The following KPNA3 variants were observed in gnomAD, a reference collection of about 807,000 sequenced individuals.
KPNA3 encodes the protein importin subunit alpha-4.
A neutral mutation model predicts 73.8 loss-of-function variants in KPNA3; 13 were observed. That is an observed-to-expected ratio of 0.18 (90% CI 0.11 to 0.28). The LOEUF (loss-of-function observed/expected upper bound fraction) is 0.28, where lower values mean the gene tolerates loss of function less well. Among genes scored for constraint, KPNA3 ranks in the 10% least tolerant of loss-of-function variants. KPNA3 has a pLI of 1.00. For synonymous variants in KPNA3, 186 were observed against 206.9 expected (o/e 0.90, Z 0.87); for missense variants, 360 against 618.1 (o/e 0.58, Z 4.43).
At position 49,763,546 on chromosome 13, in the gene KPNA3, C is replaced by A. The variant is rs1349525731; in HGVS notation, c.70-16553G>T. ...TAAACCACAGATTCAAGACACCCAA[C>A]AAACTCCAAGTGGGAAAATAAAAAG... On this transcript the variant is annotated intron_variant, in intron 1 of 16. Coordinates refer to ENST00000261667, the MANE Select transcript of KPNA3 (RefSeq NM_002267.4). Among the ~76,000 whole-genome samples, 3 of 152,206 alleles carry A rather than the reference C, an allele frequency of 2.0e-5. No homozygotes were observed. In the East Asian group the frequency reaches 5.8e-4, roughly 29 times the overall value.
chr13:49,722,709 C>A, intron 7 of KPNA3, 146 bp from the exon 8 acceptor site: 3 of 507,586 alleles, frequency 5.9e-6, no homozygotes, highest in Non-Finnish European at 1.0e-5. Context: ...TAAAAAGAAT[C>A]AATTTCAGTA....
intron 1 of KPNA3, among the ~76,000 whole-genome samples, chr13:49,767,214 C>T (rs1006535107): frequency 6.6e-5 from 10 of 151,520 alleles, no homozygotes; most frequent in Non-Finnish European, 1.0e-4. Context: ...GTCAGGAGTT[C>T]GAGACCAGCC....
chr13:49,792,547 G>GGCGGCGGCTACTCCTGCGGCT lies in KPNA3; in HGVS notation c.-42_-41insAGCCGCAGGAGTAGCCGCCGC. 1.8e-5 allele frequency: 22 copies of GGCGGCGGCTACTCCTGCGGCT among 1,226,210 alleles called. No individual in the cohort carries two copies. The highest frequency in any genetic ancestry group is 2.5e-5 in the Non-Finnish European group (22 of 876,674). The allele number at this position is 1,226,210 out of a possible 1,614,324, so 76.0% of individuals were successfully genotyped here. A position where few individuals can be genotyped will look rare whatever the true frequency, so the allele number is the denominator to read the frequency against. ...CGGCGGCGGCTACTCCTGCGGCTGC[G>GGCGGCGGCTACTCCTGCGGCT]GCGGCGGCGGCGGCGAATCTTGGAG... On this transcript the variant is annotated 5_prime_UTR_variant, in exon 1 of 17. Transcript: ENST00000261667.
chr13:49,776,393 T>C (rs537870900), intron 1 of KPNA3, among the ~76,000 whole-genome samples: 7 of 152,312 alleles, frequency 4.6e-5, no homozygotes, highest in African/African-American at 1.2e-4. Flanking sequence ...TTCACATCTA[T>C]TGAAGGATTC....
intron 1 of KPNA3, among the ~76,000 whole-genome samples, chr13:49,748,227 A>G (rs896320300): frequency 6.6e-6 from 1 of 152,208 alleles, no homozygotes; most frequent in Non-Finnish European, 1.5e-5. Flanking sequence ...AATGATTCAT[A>G]TTTTTAAAAA....
chr13:49,747,497 C>A (rs1183304859), intron 1 of KPNA3, among the ~76,000 whole-genome samples: 1 of 152,100 alleles, frequency 6.6e-6, no homozygotes, highest in Non-Finnish European at 1.5e-5. Context: ...TCAGCCTGGC[C>A]AACATGGCAA....
intron 1 of KPNA3, among the ~76,000 whole-genome samples, chr13:49,786,808 C>A (rs1187996905): frequency 6.6e-6 from 1 of 152,068 alleles, no homozygotes; most frequent in Non-Finnish European, 1.5e-5. Context: ...ATCCTGAAGT[C>A]AATGGGAAGG....
chr13:49,752,322 T>A (rs1954669792), intron 1 of KPNA3, among the ~76,000 whole-genome samples: 1 of 151,828 alleles, frequency 6.6e-6, no homozygotes, highest in Admixed American at 6.6e-5. Flanking sequence ...AAGAAAAAGA[T>A]CTTGAGTGGT....
intron 6 of KPNA3, among the ~76,000 whole-genome samples, chr13:49,731,180 T>A (rs1954465144): frequency 6.6e-6 from 1 of 150,834 alleles, no homozygotes; most frequent in African/African-American, 2.4e-5. Flanking sequence ...GCTCAAACGA[T>A]CCTCCTACCT....
At chr13:49,723,909 C>A (rs1434245339) in intron 7 of KPNA3, among the ~76,000 whole-genome samples, 1 of 151,662 alleles carries the variant, frequency 6.6e-6, no homozygotes, top group Non-Finnish European at 1.5e-5. Flanking sequence ...AAAAAGAAAT[C>A]TCATACTTAA....
chr13:49,765,597 A>G (rs1390157793), intron 1 of KPNA3, among the ~76,000 whole-genome samples: 1 of 152,186 alleles, frequency 6.6e-6, no homozygotes. Flanking sequence ...TATGCCTCCC[A>G]AAGTGCTGGG....
intron 1 of KPNA3, among the ~76,000 whole-genome samples, chr13:49,771,543 C>T (rs2137594408): frequency 6.6e-6 from 1 of 152,316 alleles, no homozygotes; most frequent in Non-Finnish European, 1.5e-5. Context: ...GCAGCCTCAA[C>T]CTCTCCAGCT....
At chr13:49,719,750 A>T (rs565496760) in intron 10 of KPNA3, 25 bp downstream of exon 10, 1 of 1,565,086 alleles carries the variant, frequency 6.4e-7, no homozygotes, top group Admixed American at 1.7e-5. Flanking sequence ...GCAAAATCCC[A>T]CATTTAAGCT....
In KPNA3 at chr13:49,723,915, C is replaced by T. The variant is rs545187116; in HGVS notation, c.470-1352G>A. 5.3e-5 allele frequency among the ~76,000 whole-genome samples: 8 copies of T among 151,532 alleles called. No individual in the cohort carries two copies. In the South Asian group the frequency reaches 1.7e-3, roughly 32 times the overall value. On this transcript the variant is annotated intron_variant, in intron 7 of 16. Transcript: ENST00000261667. ...GAAAAAAGAAAAAAGAAATCTCATA[C>T]TTAAGGCAGTCATTCCACATTTGTT...
In KPNA3 at chr13:49,732,755, T is replaced by C; in HGVS notation, c.226A>G (p.Ile76Val). ...TTAATTTAGTAACATACCTGCAATA[T>C]AGCTTCTAGGGTTACATTTTGCTTA... ...FKAQNVTLEA[I>V]LQNATSDNPV... Residue 76 changes from isoleucine to valine, a missense_variant, in exon 4 of 17, where the codon ATA becomes GTA. This residue lies in a region of KPNA3 where 287 missense variants were observed against 549.1 expected (regional missense o/e 0.52). Transcript: ENST00000261667. 2.5e-6 allele frequency: 4 copies of C among 1,581,766 alleles called. No individual in the cohort carries two copies. The highest frequency in any genetic ancestry group is 3.5e-6 in the Non-Finnish European group (4 of 1,156,004).
chr13:49,777,460 A>G (rs11839492), intron 1 of KPNA3, among the ~76,000 whole-genome samples: 4,308 of 152,224 alleles, frequency 0.028, 208 homozygotes, highest in African/African-American at 0.098. Flanking sequence ...ATTACTTATA[A>G]TACCTAATAT....
chr13:49,704,582 AAGT>A (rs532247990), intron 15 of KPNA3, among the ~76,000 whole-genome samples: 4 of 152,018 alleles, frequency 2.6e-5, no homozygotes, highest in Non-Finnish European at 5.9e-5. Context: ...TATTCATATA[AAGT>A]AGTCAATGAA....
intron 1 of KPNA3, among the ~76,000 whole-genome samples, chr13:49,756,282 CA>C (rs1304522004): frequency 6.6e-6 from 1 of 151,964 alleles, no homozygotes; most frequent in Non-Finnish European, 1.5e-5. Flanking sequence ...TCAAAACAAA[CA>C]AACAATGCTG....
rs538803285 is a variant in KPNA3, at chr13:49,792,585, G to A, written c.-79C>T. The A allele has an allele frequency of 7.7e-5, 52 of 674,818 alleles. No individual in the cohort carries two copies. The highest frequency in any genetic ancestry group is 7.7e-4 in the Admixed American group (28 of 36,564). The allele number at this position is 674,818 out of a possible 1,614,324, so 41.8% of individuals were successfully genotyped here. A position where few individuals can be genotyped will look rare whatever the true frequency, so the allele number is the denominator to read the frequency against. ...GCGAATCTTGGAGCGGGAGGGGGAGGAGGGGGAGAGCGGGAGGGGGGAGGG... is the reference window on the plus strand; with the variant it reads ...GCGAATCTTGGAGCGGGAGGGGGAGAAGGGGGAGAGCGGGAGGGGGGAGGG... On this transcript the variant is annotated 5_prime_UTR_variant, in exon 1 of 17. Coordinates refer to ENST00000261667, the MANE Select transcript of KPNA3 (RefSeq NM_002267.4).
Sources: gnomAD v4.1 joint callset for allele counts (sites outside exome capture counted in the v4.1 genomes callset) on GRCh38, gnomAD v4.1.1 for gene constraint, gnomAD v4.1.1 regional missense constraint, MANE v1.5 for transcripts, NCBI Gene and HGNC (gene_info 2026-07-23, HGNC 2026-07-21) for gene names.